RPA3: variants seen among roughly 807,000 people sequenced by gnomAD.
RPA3 encodes replication protein A3.
Under a neutral mutation model 13.7 loss-of-function variants are expected in RPA3, and 24 were observed. The ratio of observed to expected loss-of-function variants is 1.75; its 90% confidence interval spans 1.27 to 2.46. The LOEUF (loss-of-function observed/expected upper bound fraction) is 2.46, where lower values mean the gene tolerates loss of function less well. Ranked by LOEUF, RPA3 falls within the 30% of genes most tolerant of loss-of-function variation. The pLI, the probability that RPA3 is intolerant of heterozygous loss-of-function variation, is 0.00. For missense variants in RPA3, 183 were observed against 151.0 expected (o/e 1.21, Z -1.11); for synonymous variants, 59 against 51.2 (o/e 1.15, Z -0.65).
chr7:7,677,739 T>C, intron 4 of RPA3, among the ~76,000 whole-genome samples: 1 of 144,990 alleles, frequency 6.9e-6, no homozygotes, highest in African/African-American at 2.6e-5. Flanking sequence ...AGTGGCGGGA[T>C]CTCGGCTCAC....
chr7:7,637,744 T>TA, intron 7 of RPA3, 120 bp downstream of exon 7: 1 of 506,044 alleles, frequency 2.0e-6, no homozygotes. Context: ...TATAAAACTG[T>TA]ATGTTATGTA....
chr7:7,659,523 T>A (rs1341761273), intron 4 of RPA3, among the ~76,000 whole-genome samples: 1 of 152,240 alleles, frequency 6.6e-6, no homozygotes, highest in Admixed American at 6.5e-5. Context: ...CTCATTGGTT[T>A]CAAAGAACAT....
At chr7:7,637,498 C>T (rs180732085) in intron 7 of RPA3, among the ~76,000 whole-genome samples, 9 of 152,138 alleles carry the variant, frequency 5.9e-5, no homozygotes, top group Non-Finnish European at 1.2e-4. Context: ...TTTGCCTTTA[C>T]GATCACAAAA....
chr7:7,668,035 G>T (rs1263962239), intron 4 of RPA3, among the ~76,000 whole-genome samples: 1 of 151,878 alleles, frequency 6.6e-6, no homozygotes, highest in Non-Finnish European at 1.5e-5. Context: ...TCCAACCTCA[G>T]CCTCCCGATT....
Position 7,636,804 on chromosome 7 carries a change from G to A in RPA3, c.*196C>T. 1 of 535,308 alleles carries A rather than the reference G, an allele frequency of 1.9e-6. No individual in the cohort carries two copies. The highest frequency in any genetic ancestry group is 3.3e-6 in the Non-Finnish European group (1 of 305,812). The allele number at this position is 535,308 out of a possible 1,614,324, so 33.2% of individuals were successfully genotyped here. A position where few individuals can be genotyped will look rare whatever the true frequency, so the allele number is the denominator to read the frequency against. ...TTGCATCTAATCTGACCATATATTG[G>A]AGTAGCAATTCTTTATAAAAGGACT... is the stretch of plus-strand genomic sequence containing the variant. On this transcript the variant is annotated 3_prime_UTR_variant, in exon 8 of 8. Transcript: ENST00000223129.
chr7:7,653,153 A>G (rs983844509), intron 4 of RPA3, among the ~76,000 whole-genome samples: 4 of 152,022 alleles, frequency 2.6e-5, no homozygotes, highest in Non-Finnish European at 4.4e-5. Flanking sequence ...GTGTTTTTTC[A>G]TTTTCAAAAT....
intron 4 of RPA3, among the ~76,000 whole-genome samples, chr7:7,684,904 A>G (rs533107930): frequency 1.3e-5 from 2 of 152,272 alleles, no homozygotes; most frequent in East Asian, 3.9e-4. Flanking sequence ...ATTCCATACA[A>G]CATCTGTAGG....
At chr7:7,703,257 A>G (rs1780513388) in intron 2 of RPA3, among the ~76,000 whole-genome samples, 1 of 152,206 alleles carries the variant, frequency 6.6e-6, no homozygotes, top group South Asian at 2.1e-4. Flanking sequence ...TGAGGCTTCT[A>G]TAATAAAAAT....
At chr7:7,649,684 TGG>T in intron 4 of RPA3, among the ~76,000 whole-genome samples, 1 of 131,990 alleles carries the variant, frequency 7.6e-6, no homozygotes, top group Admixed American at 7.5e-5. Context: ...GTATTCTTGT[TGG>T]TGGGGGGGCC....
chr7:7,717,973 G>T (rs1160868838), intron 1 of RPA3, among the ~76,000 whole-genome samples: 1 of 152,178 alleles, frequency 6.6e-6, no homozygotes, highest in Non-Finnish European at 1.5e-5. Flanking sequence ...GATTCTGTTT[G>T]TCATAGTTGT....
intron 4 of RPA3, among the ~76,000 whole-genome samples, chr7:7,682,015 A>C (rs62432580): frequency 0.051 from 7,708 of 152,296 alleles, 243 homozygotes; most frequent in Middle Eastern, 0.12. Flanking sequence ...TTGTTGGTTC[A>C]CTAATATTGT....
chr7:7,693,606 G>T (rs961192883), intron 2 of RPA3, among the ~76,000 whole-genome samples: 1 of 152,042 alleles, frequency 6.6e-6, no homozygotes, highest in Non-Finnish European at 1.5e-5. Context: ...ATTTTAAGGT[G>T]AAATTCTACT....
intron 2 of RPA3, among the ~76,000 whole-genome samples, chr7:7,696,792 T>G (rs1460543872): frequency 6.6e-6 from 1 of 152,192 alleles, no homozygotes; most frequent in Non-Finnish European, 1.5e-5. Context: ...GGTAGGGCCC[T>G]GTGAAACCAC....
chr7:7,711,098 G>A (rs1019625864), intron 2 of RPA3, among the ~76,000 whole-genome samples: 2 of 152,178 alleles, frequency 1.3e-5, no homozygotes. Flanking sequence ...GGATTCTGGT[G>A]GTTATGGAGA....
chr7:7,640,511 A>T lies in RPA3; in HGVS notation c.-93T>A. ...TCTATGGGGCAGATTTCTCGGCACC[A>T]ATCAGCGAAGACTAGCGCTCCAGCT... On this transcript the variant is annotated 5_prime_UTR_variant, in exon 5 of 8. Transcript: ENST00000223129. 8.4e-7 allele frequency: 1 copy of T among 1,189,198 alleles called. No individual in the cohort carries two copies. Among genetic ancestry groups the T allele is most frequent in the Non-Finnish European group, 1.2e-6 (1 of 811,000 alleles). 73.7% of individuals were successfully genotyped at this position (1,189,198 alleles called of 1,614,324 possible).
At chr7:7,664,119 A>G (rs1189172972) in intron 4 of RPA3, among the ~76,000 whole-genome samples, 1 of 152,226 alleles carries the variant, frequency 6.6e-6, no homozygotes, top group African/African-American at 2.4e-5. Context: ...AGATTTTTAC[A>G]TAATAGCTGG....
intron 1 of RPA3, among the ~76,000 whole-genome samples, chr7:7,718,002 G>A (rs917747398): frequency 1.3e-5 from 2 of 152,106 alleles, no homozygotes; most frequent in Admixed American, 6.5e-5. Flanking sequence ...TAGAGTTTAG[G>A]GAAATCTAGT....
rs535027139 is a variant in RPA3 at position 7,658,341 on chromosome 7, T to C, written c.-757-17166A>G. ...TGATGGCCCTGGCCAGAACTTCTAA[T>C]ACTGTGTTGAATAGGAGTGGTGAGA... is the stretch of plus-strand genomic sequence containing the variant. On this transcript the variant is annotated intron_variant, in intron 4 of 7. Coordinates refer to ENST00000223129, the MANE Select transcript of RPA3 (RefSeq NM_002947.5). 6.2e-4 allele frequency among the ~76,000 whole-genome samples: 95 copies of C among 152,342 alleles called. 1 individual carries two copies. The South Asian group carries it at 0.019, about 31-fold the overall frequency.
intron 2 of RPA3, among the ~76,000 whole-genome samples, chr7:7,711,758 T>C (rs763589082): frequency 3.3e-5 from 5 of 152,270 alleles, no homozygotes; most frequent in Middle Eastern, 3.4e-3. Flanking sequence ...TAATGACTTA[T>C]GTTTTTCTTT....
Sources: allele counts gnomAD v4.1 joint callset (sites outside exome capture counted in the v4.1 genomes callset), GRCh38; gene constraint gnomAD v4.1.1; transcripts MANE v1.5; gene names NCBI Gene and HGNC (gene_info 2026-07-23, HGNC 2026-07-21).